Variants in AMH observed in about 807,000 individuals in gnomAD.
AMH encodes the protein anti-Mullerian hormone, also known as anti-Muellerian hormone.
Under a neutral mutation model 33.3 loss-of-function variants are expected in AMH, and 39 were observed. The observed-to-expected ratio is 1.17, with a 90% CI of 0.91 to 1.53. The LOEUF (loss-of-function observed/expected upper bound fraction) is 1.53. AMH is among the 40% of genes most tolerant of loss of function. The pLI is 0.00. For synonymous variants in AMH, 536 were observed against 403.0 expected, an observed-to-expected ratio of 1.33 and a Z score of -3.95; for missense variants, 1,019 against 799.8, an observed-to-expected ratio of 1.27 and a Z score of -3.30.
intron 1 of AMH, 120 bp downstream of exon 1, chr19:2,249,864 T>C: frequency 8.3e-7 from 1 of 1,208,430 alleles, no homozygotes; most frequent in Non-Finnish European, 1.1e-6. Context: ...TGTGGTCTTG[T>C]TCCTAGGACT....
chr19:2,250,752 G>T lies in AMH; in HGVS notation c.656G>T (p.Arg219Leu), dbSNP rs768713502. The change falls in exon 3 of 5, where the codon CGC becomes CTC. Residue 219 changes from arginine to leucine, a missense_variant. Transcript: ENST00000221496. ...GGGCTGGCCTTGACCCTGCAGCCCC[G>T]CGGAGAGGGTAGGTCCGCGTGGAGA... Reference protein sequence around the residue: ...GSGLALTLQPRGEDSRLSTAR... With the variant: ...GSGLALTLQPLGEDSRLSTAR... 6.5e-7 allele frequency: 1 copy of T among 1,535,726 alleles called. No individual in the cohort carries two copies.
At chr19:2,250,160 C>T in intron 1 of AMH, 177 bp from the exon 2 acceptor site, 1 of 1,071,542 alleles carries the variant, frequency 9.3e-7, no homozygotes, top group South Asian at 1.4e-5. Flanking sequence ...CAGACGCAGC[C>T]CCTGCCTGCC....
chr19:2,252,057 A>C lies in AMH; in HGVS notation c.*100A>C. On this transcript the variant is annotated 3_prime_UTR_variant, in exon 5 of 5. Transcript: ENST00000221496. The stretch of plus-strand genomic sequence containing the variant: ...GACCCCAAGCATCGCCCCAATAAAG[A>C]CCAGCAAGCAACCGGCTGGGGTGTC... 1 of 1,487,636 alleles carries C rather than the reference A, an allele frequency of 6.7e-7. No individual in the cohort carries two copies. Among genetic ancestry groups the C allele is most frequent in the Non-Finnish European group, 9.0e-7 (1 of 1,111,784 alleles). 92.2% of individuals were successfully genotyped at this position (1,487,636 alleles called of 1,614,324 possible).
chr19:2,251,679 G>A lies in AMH; in HGVS notation c.1405G>A (p.Val469Ile), dbSNP rs370483336. 2.7e-5 allele frequency: 44 copies of A among 1,610,746 alleles called. No individual in the cohort carries two copies. The highest frequency in any genetic ancestry group is 3.7e-5 in the Non-Finnish European group (44 of 1,179,316). The change falls in exon 5 of 5, where the codon GTA becomes ATA. Residue 469 changes from valine to isoleucine, a missense_variant. Coordinates refer to ENST00000221496, the MANE Select transcript of AMH (RefSeq NM_000479.5). ...DGPCALRELS[V>I]DLRAERSVLI... ...GCCGTGCGCGCTGCGCGAGCTCAGC[G>A]TAGACCTCCGCGCCGAGCGCTCCGT... is the stretch of plus-strand genomic sequence containing the variant.
At position 2,251,178 on chromosome 19, in the gene AMH, C is replaced by T; in HGVS notation, c.904C>T (p.Arg302Trp). The T allele has an allele frequency of 1.3e-6, 2 of 1,512,818 alleles. No individual in the cohort carries two copies. Among genetic ancestry groups the T allele is most frequent in the South Asian group, 1.2e-5 (1 of 81,552 alleles). The allele number at this position is 1,512,818 out of a possible 1,614,324, so 93.7% of individuals were successfully genotyped here. A position where few individuals can be genotyped will look rare whatever the true frequency, so the allele number is the denominator to read the frequency against. ...ETLTRLVRAL[R>W]VPPARASAPR... ...GCTCACGCGCCTGGTGCGGGCGCTGCGGGTCCCCCCGGCCCGGGCCTCCGC... is the reference window on the plus strand; with the variant it reads ...GCTCACGCGCCTGGTGCGGGCGCTGTGGGTCCCCCCGGCCCGGGCCTCCGC... Residue 302 changes from arginine (R) to tryptophan (W), a missense_variant, in exon 5 of 5, where the codon CGG (arginine) becomes TGG (tryptophan). Physicochemically the swap from Arg to Trp is moderately radical, Grantham distance 101. Coordinates refer to ENST00000221496, the MANE Select transcript of AMH (RefSeq NM_000479.5).
At position 2,250,929 on chromosome 19, in the gene AMH, C is replaced by A. The variant is rs1568393941; in HGVS notation, c.745C>A (p.Leu249Met). 1 of 1,553,700 alleles carries A rather than the reference C, an allele frequency of 6.4e-7. No homozygotes were observed. The highest frequency in any genetic ancestry group is 1.2e-5 in the South Asian group (1 of 85,580). The part of the protein sequence containing the change: ...HRCFTRMTPA[L>M]LLLPRSEPAP... Reference sequence around the variant, plus strand: ...CTGCTTCACACGGATGACCCCGGCCCTGCTCCTGCTGCCGCGGTCCGAGCC... The same window carrying A: ...CTGCTTCACACGGATGACCCCGGCCATGCTCCTGCTGCCGCGGTCCGAGCC... Residue 249 changes from leucine (L) to methionine (M), a missense_variant, in exon 4 of 5, where the codon CTG (leucine) becomes ATG (methionine). Coordinates refer to ENST00000221496, the MANE Select transcript of AMH (RefSeq NM_000479.5).
rs538374149 is a variant in AMH, at chr19:2,249,420, C to A, written c.88C>A (p.Pro30Thr). 1.5e-5 allele frequency: 24 copies of A among 1,598,040 alleles called. No individual in the cohort carries two copies. The African/African-American group carries it at 2.8e-4, about 19-fold the overall frequency. ...LGTEALRAEE[P>T]AVGTSGLIFR... ...GACTGAGGCCCTCAGAGCAGAGGAG[C>A]CAGCTGTGGGCACCAGTGGCCTCAT... The change falls in exon 1 of 5, where the codon CCA becomes ACA. Residue 30 changes from proline to threonine, a missense_variant. Physicochemically the swap from Pro to Thr is conservative, Grantham distance 38. Transcript: ENST00000221496.
Position 2,250,237 on chromosome 19 carries a change from G to A in AMH, c.413-100G>A, listed in dbSNP as rs77671243. 0.051 allele frequency: 78,217 copies of A among 1,520,616 alleles called. 2,418 individuals carry two copies. Among genetic ancestry groups the A allele is most frequent in the East Asian group, 0.11 (4,559 of 41,112 alleles). 94.2% of individuals were successfully genotyped at this position (1,520,616 alleles called of 1,614,324 possible). ...GGGGCACCCTTGTCCCCCGCTTGAGGTCCCCTGCACAGTGGCCAGAGCGGC... is the reference window on the plus strand; with the variant it reads ...GGGGCACCCTTGTCCCCCGCTTGAGATCCCCTGCACAGTGGCCAGAGCGGC... On this transcript the variant is annotated intron_variant, in intron 1 of 4. Coordinates refer to ENST00000221496, the MANE Select transcript of AMH (RefSeq NM_000479.5).
chr19:2,249,534 T>TC lies in AMH; in HGVS notation c.208dup (p.Leu70ProfsTer11), dbSNP rs769922506. ...GGGCGGGGACAGCAATGGCAGCAGC[T>TC]CCCCCCTGCGGGTGGTGGGGGCTCT... On this transcript the variant is annotated frameshift_variant, in exon 1 of 5. Transcript: ENST00000221496. LOFTEE classifies it high-confidence loss of function. The TC allele has an allele frequency of 1.1e-5, 18 of 1,598,316 alleles. No individual in the cohort carries two copies. In the African/African-American group the frequency reaches 2.1e-4, roughly 19 times the overall value.
At chr19:2,250,143 A>G (rs1383952639) in intron 1 of AMH, 194 bp from the exon 2 acceptor site, 3 of 923,928 alleles carry the variant, frequency 3.2e-6, no homozygotes, top group East Asian at 2.7e-5. Flanking sequence ...AGCCCCACCC[A>G]CAGCCTCAGA....
chr19:2,251,177 G>A lies in AMH; in HGVS notation c.903G>A (p.Leu301=). The A allele has an allele frequency of 6.6e-7, 1 of 1,514,000 alleles. No homozygotes were observed. Among genetic ancestry groups the A allele is most frequent in the African/African-American group, 1.4e-5 (1 of 69,978 alleles). 93.8% of individuals were successfully genotyped at this position (1,514,000 alleles called of 1,614,324 possible). The stretch of plus-strand genomic sequence containing the variant: ...CGCTCACGCGCCTGGTGCGGGCGCT[G>A]CGGGTCCCCCCGGCCCGGGCCTCCG... ...LETLTRLVRA[L]RVPPARASAP... The change falls in exon 5 of 5, where the codon CTG becomes CTA. Residue 301 remains leucine, a synonymous_variant. Coordinates refer to ENST00000221496, the MANE Select transcript of AMH (RefSeq NM_000479.5).
intron 1 of AMH, chr19:2,250,113 C>A (rs1599136836): frequency 1.4e-6 from 1 of 723,432 alleles, no homozygotes; most frequent in Non-Finnish European, 2.3e-6. Context: ...GGCACCCCAA[C>A]CCAGAGACCC....
Position 2,251,738 on chromosome 19 carries a change from C to G in AMH, c.1464C>G (p.Cys488Trp), listed in dbSNP as rs1234069721. The G allele has an allele frequency of 1.2e-6, 2 of 1,611,830 alleles. No homozygotes were observed. The highest frequency in any genetic ancestry group is 2.2e-5 in the South Asian group (2 of 91,090). The change falls in exon 5 of 5, where the codon TGC (cysteine) becomes TGG (tryptophan). Residue 488 changes from cysteine to tryptophan, a missense_variant. By Grantham distance (215) the Cys-to-Trp change is radical. Coordinates refer to ENST00000221496, the MANE Select transcript of AMH (RefSeq NM_000479.5). ...CCGAGACCTACCAGGCCAACAATTG[C>G]CAGGGCGTGTGCGGCTGGCCTCAGT... ...LIPETYQANN[C>W]QGVCGWPQSD...
In AMH at chr19:2,251,144, C is replaced by T. The variant is rs765937994; in HGVS notation, c.870C>T (p.Phe290=). The change falls in exon 5 of 5, where the codon TTC becomes TTT. Residue 290 remains phenylalanine (F), a synonymous_variant. Transcript: ENST00000221496. ...AGTCGCCACCCAGCGCAGACCCCTT[C>T]CTGGAGACGCTCACGCGCCTGGTGC... is the stretch of plus-strand genomic sequence containing the variant. The part of the protein sequence containing the change: ...LEESPPSADP[F]LETLTRLVRA... 1.3e-6 allele frequency: 2 copies of T among 1,531,072 alleles called. No individual in the cohort carries two copies. Among genetic ancestry groups the T allele is most frequent in the Non-Finnish European group, 1.7e-6 (2 of 1,145,960 alleles). 94.8% of individuals were successfully genotyped at this position (1,531,072 alleles called of 1,614,324 possible).
At position 2,250,439 on chromosome 19, in the gene AMH, C is replaced by T. The variant is rs1248033891; in HGVS notation, c.515C>T (p.Pro172Leu). The T allele has an allele frequency of 1.3e-6, 2 of 1,554,920 alleles. No homozygotes were observed. The highest frequency in any genetic ancestry group is 8.7e-7 in the Non-Finnish European group (1 of 1,150,426). The change falls in exon 2 of 5, where the codon CCT (proline) becomes CTT (leucine). Residue 172 changes from proline (P) to leucine (L), a missense_variant. Coordinates refer to ENST00000221496, the MANE Select transcript of AMH (RefSeq NM_000479.5). The part of the protein sequence containing the change: ...ALLVLYPGPG[P>L]EVTVTRAGLP... ...CTGGTGCTGTACCCTGGGCCTGGCC[C>T]TGAGGTCACTGTGACGAGGGCTGGG...
At position 2,251,224 on chromosome 19, in the gene AMH, C is replaced by G. The variant is rs566806768; in HGVS notation, c.950C>G (p.Pro317Arg). The change falls in exon 5 of 5, where the codon CCG becomes CGG. Residue 317 changes from proline (P) to arginine (R), a missense_variant. By Grantham distance (103) the Pro-to-Arg change is moderately radical. Coordinates refer to ENST00000221496, the MANE Select transcript of AMH (RefSeq NM_000479.5). ...TCCGCGCCGCGCCTGGCCCTGGATC[C>G]GGACGCGCTGGCCGGCTTCCCGCAG... ...RASAPRLALD[P>R]DALAGFPQGL... is the part of the protein sequence containing the mutation. The G allele has an allele frequency of 2.0e-4, 300 of 1,502,572 alleles. 1 individual carries two copies. The African/African-American group carries it at 3.6e-3, about 18-fold the overall frequency. 93.1% of individuals were successfully genotyped at this position (1,502,572 alleles called of 1,614,324 possible). A position where few individuals can be genotyped will look rare whatever the true frequency, so the allele number is the denominator to read the frequency against.
In AMH at chr19:2,250,436, G is replaced by A. The variant is rs780894513; in HGVS notation, c.512G>A (p.Gly171Asp). 4.5e-6 allele frequency: 7 copies of A among 1,556,824 alleles called. No individual in the cohort carries two copies. Among genetic ancestry groups the A allele is most frequent in the African/African-American group, 1.4e-5 (1 of 73,734 alleles). ...CTGCTGGTGCTGTACCCTGGGCCTG[G>A]CCCTGAGGTCACTGTGACGAGGGCT... ...LALLVLYPGP[G>D]PEVTVTRAGL... is the part of the protein sequence containing the mutation. The change falls in exon 2 of 5, where the codon GGC (glycine) becomes GAC (aspartate). Residue 171 changes from glycine (G) to aspartate (D), a missense_variant. By Grantham distance (94) the Gly-to-Asp change is moderately conservative. Transcript: ENST00000221496.
In AMH at chr19:2,251,103, T is replaced by C; in HGVS notation, c.829T>C (p.Ser277Pro). ...TCCTCCAATTGCGGGTTCCAGGCCA[T>C]CCGCGGAACTCGAGGAGTCGCCACC... ...DTVPFPPPRP[S>P]AELEESPPSA... The change falls in exon 5 of 5, where the codon TCC (serine) becomes CCC (proline). Residue 277 changes from serine to proline, a missense_variant. By Grantham distance (74) the Ser-to-Pro change is moderately conservative. Transcript: ENST00000221496. The C allele has an allele frequency of 1.3e-6, 2 of 1,542,452 alleles. No individual in the cohort carries two copies. Among genetic ancestry groups the C allele is most frequent in the Non-Finnish European group, 1.7e-6 (2 of 1,151,498 alleles).
In AMH at chr19:2,250,204, A is replaced by C; in HGVS notation, c.413-133A>C. On this transcript the variant is annotated intron_variant, in intron 1 of 4. Transcript: ENST00000221496. The stretch of plus-strand genomic sequence containing the variant: ...CACCGCTCCCTGGCTGCAGGAAGGC[A>C]GCTAAGAGGGGCACCCTTGTCCCCC... The C allele has an allele frequency of 4.2e-6, 6 of 1,418,310 alleles. No homozygotes were observed. The South Asian group carries it at 7.4e-5, about 18-fold the overall frequency. The allele number at this position is 1,418,310 out of a possible 1,614,324, so 87.9% of individuals were successfully genotyped here.
Sources: gnomAD v4.1 joint callset for allele counts on GRCh38, gnomAD v4.1.1 for gene constraint, MANE v1.5 for transcripts, NCBI Gene and HGNC (gene_info 2026-07-23, HGNC 2026-07-21) for gene names.